The following SREBF2 variants were observed in gnomAD, a reference collection of about 807,000 sequenced individuals.
SREBF2 encodes the protein sterol regulatory element binding transcription factor 2, also known as sterol regulatory element-binding protein 2.
In SREBF2, 55 loss-of-function variants were observed where a neutral mutation model predicts 113.1. The observed-to-expected ratio is 0.49, with a 90% CI of 0.39 to 0.61. SREBF2 has a LOEUF of 0.61. Among genes scored for constraint, SREBF2 ranks in the 20% least tolerant of loss-of-function variants. The pLI is 0.00. For synonymous variants in SREBF2, 593 were observed against 605.7 expected (o/e 0.98, Z 0.31); for missense variants, 1,349 against 1,487.4 (o/e 0.91, Z 1.53).
intron 17 of SREBF2, 62 bp downstream of exon 17, chr22:41,903,217 C>A (rs779418419): frequency 5.6e-5 from 85 of 1,526,650 alleles, no homozygotes; most frequent in Non-Finnish European, 7.2e-5. Flanking sequence ...GAGCCCAGAA[C>A]CCAGCATGGG....
chr22:41,846,495 G>A (rs988705481), intron 1 of SREBF2, among the ~76,000 whole-genome samples: 4 of 152,182 alleles, frequency 2.6e-5, no homozygotes, highest in Admixed American at 1.3e-4. Flanking sequence ...TGGGAGGGTC[G>A]GGTCTGATGA....
intron 13 of SREBF2, among the ~76,000 whole-genome samples, chr22:41,895,687 C>T (rs565187433): frequency 1.5e-4 from 23 of 152,106 alleles, no homozygotes; most frequent in African/African-American, 4.1e-4. Context: ...CCGCCTGCCT[C>T]GGCCTCCCAA....
At position 41,878,669 on chromosome 22, in the gene SREBF2, G is replaced by A. The variant is rs1569397925; in HGVS notation, c.1761+546G>A. The A allele has an allele frequency of 5.4e-6, 7 of 1,304,160 alleles. No individual in the cohort carries two copies. In the South Asian group the frequency reaches 6.2e-5, roughly 11 times the overall value. 80.8% of individuals were successfully genotyped at this position (1,304,160 alleles called of 1,614,324 possible). A position where few individuals can be genotyped will look rare whatever the true frequency, so the allele number is the denominator to read the frequency against. Reference sequence around the variant, plus strand: ...ATTTGAAATCAACAGGGAGTTTACGGAAAAAAATCTGGGGCAACTCACAGC... The same window carrying A: ...ATTTGAAATCAACAGGGAGTTTACGAAAAAAAATCTGGGGCAACTCACAGC... On this transcript the variant is annotated intron_variant, in intron 9 of 18. Transcript: ENST00000361204.
At chr22:41,870,847 A>G (rs371447196) in intron 3 of SREBF2, 42 bp from the exon 4 acceptor site, 28 of 1,612,590 alleles carry the variant, frequency 1.7e-5, no homozygotes, top group Non-Finnish European at 2.3e-5. Flanking sequence ...TAACAGAAGG[A>G]TAATGCTATC....
At chr22:41,864,646 G>C (rs73430944) in intron 1 of SREBF2, among the ~76,000 whole-genome samples, 2,261 of 151,374 alleles carry the variant, frequency 0.015, 64 homozygotes, top group African/African-American at 0.053. Context: ...TTTTTTGTTT[G>C]TTTGTTTTGT....
Position 41,875,451 on chromosome 22 carries a change from A to G in SREBF2, c.1204A>G (p.Lys402Glu). The change falls in exon 6 of 19, where the codon AAG becomes GAG. Residue 402 changes from lysine to glutamate, a missense_variant and splice_region_variant. This residue lies in a region of SREBF2 where 699 missense variants were observed against 843.3 expected (regional missense o/e 0.83). Coordinates refer to ENST00000361204, the MANE Select transcript of SREBF2 (RefSeq NM_004599.4). ...GCTGAAGCTGGCAAATCAAAAGAAC[A>G]GTAAGTGTGCTGAGAAAAGGCTTGT... ...MVLKLANQKN[K>E]LLKGIDLGSL... 1 of 1,614,254 alleles carries G rather than the reference A, an allele frequency of 6.2e-7. No homozygotes were observed. The highest frequency in any genetic ancestry group is 8.5e-7 in the Non-Finnish European group (1 of 1,180,050).
chr22:41,889,783 C>G (rs1439221851), intron 11 of SREBF2, among the ~76,000 whole-genome samples: 2 of 151,040 alleles, frequency 1.3e-5, no homozygotes, highest in African/African-American at 4.9e-5. Context: ...GGTGGATCAC[C>G]TAAGGTCAGG....
intron 1 of SREBF2, among the ~76,000 whole-genome samples, chr22:41,852,728 A>ATTTTTTTTT (rs544824099): frequency 2.2e-4 from 9 of 40,400 alleles, no homozygotes; most frequent in South Asian, 1.5e-3. Context: ...TCTCAGAATG[A>ATTTTTTTTT]TTTTTTTTTT....
chr22:41,851,080 G>T (rs2076925274), intron 1 of SREBF2, among the ~76,000 whole-genome samples: 1 of 152,016 alleles, frequency 6.6e-6, no homozygotes, highest in African/African-American at 2.4e-5. Context: ...TTGGTCTCAG[G>T]GTTGATATAA....
chr22:41,898,167 A>G (rs1286655185), intron 14 of SREBF2, among the ~76,000 whole-genome samples: 2 of 152,002 alleles, frequency 1.3e-5, no homozygotes, highest in Non-Finnish European at 2.9e-5. Flanking sequence ...CTGGAGTGCA[A>G]TGGCACGATC....
intron 2 of SREBF2, among the ~76,000 whole-genome samples, chr22:41,868,265 G>C (rs2269657): frequency 6.6e-6 from 1 of 151,930 alleles, no homozygotes. Flanking sequence ...AAGTGCACTT[G>C]CCGTCCAGAA....
intron 14 of SREBF2, among the ~76,000 whole-genome samples, chr22:41,897,737 G>A (rs750336664): frequency 2.0e-5 from 3 of 152,152 alleles, no homozygotes; most frequent in Non-Finnish European, 4.4e-5. Context: ...CCAAGCTACC[G>A]CTGGTCACTC....
chr22:41,877,073 A>C (rs1181613071), intron 7 of SREBF2, among the ~76,000 whole-genome samples, 156 bp from the exon 8 acceptor site: 1 of 152,206 alleles, frequency 6.6e-6, no homozygotes, highest in African/African-American at 2.4e-5. Flanking sequence ...GCAGTTAGTG[A>C]ATTATAGGCT....
intron 1 of SREBF2, among the ~76,000 whole-genome samples, chr22:41,840,725 C>A (rs1177930483): frequency 1.3e-5 from 2 of 152,170 alleles, no homozygotes; most frequent in Non-Finnish European, 2.9e-5. Context: ...CTGTTTTCTT[C>A]TCTGGAAGCT....
In SREBF2 at chr22:41,833,875, A is replaced by G. The variant is rs1048582137; in HGVS notation, c.88+517A>G. 1 of 153,238 alleles carries G rather than the reference A, an allele frequency of 6.5e-6. No homozygotes were observed. Among genetic ancestry groups the G allele is most frequent in the African/African-American group, 2.4e-5 (1 of 41,496 alleles). 9.5% of individuals were successfully genotyped at this position (153,238 alleles called of 1,614,324 possible). A position where few individuals can be genotyped will look rare whatever the true frequency, so the allele number is the denominator to read the frequency against. ...GCCAGGTCGCCGGGTGCTCCGCGAA[A>G]CTTTGGGCAGCGACTGCAGAAGCAA... On this transcript the variant is annotated intron_variant, in intron 1 of 18. Transcript: ENST00000361204. This position sits in a 1 kb window ranked among gnomAD's most constrained non-coding sequence, Gnocchi z 4.1.
intron 1 of SREBF2, among the ~76,000 whole-genome samples, chr22:41,852,052 T>C (rs939820949): frequency 1.3e-5 from 2 of 151,322 alleles, no homozygotes; most frequent in Non-Finnish European, 2.9e-5. Flanking sequence ...ACCCGGGAGG[T>C]GGAGCTTGCA....
At chr22:41,887,150 G>A (rs1328549696) in intron 11 of SREBF2, among the ~76,000 whole-genome samples, 1 of 152,180 alleles carries the variant, frequency 6.6e-6, no homozygotes, top group African/African-American at 2.4e-5. Flanking sequence ...GGGAAGTGGA[G>A]GTTGTAATGA....
intron 9 of SREBF2, among the ~76,000 whole-genome samples, chr22:41,879,493 T>A (rs1206463850): frequency 6.6e-6 from 1 of 151,276 alleles, no homozygotes; most frequent in Non-Finnish European, 1.5e-5. Flanking sequence ...TCAGGAGGGG[T>A]AAGAGCCAAA....
At chr22:41,903,925 G>A (rs941278012) in intron 17 of SREBF2, among the ~76,000 whole-genome samples, 3 of 152,172 alleles carry the variant, frequency 2.0e-5, no homozygotes, top group African/African-American at 4.8e-5. Flanking sequence ...CAGTATCATC[G>A]GAGAGCCATT....
Sources: gnomAD v4.1 joint callset for allele counts (sites outside exome capture counted in the v4.1 genomes callset) on GRCh38, gnomAD v4.1.1 for gene constraint, gnomAD v4.1.1 regional missense constraint, Gnocchi (gnomAD v3.1) non-coding constraint, MANE v1.5 for transcripts, NCBI Gene and HGNC (gene_info 2026-07-23, HGNC 2026-07-21) for gene names.